TG: variants seen among roughly 807,000 people sequenced by gnomAD.
TG encodes thyroid hormones.
Under a neutral mutation model 324.7 loss-of-function variants are expected in TG, and 270 were observed. That is an observed-to-expected ratio of 0.83 (90% CI 0.75 to 0.92). The LOEUF is 0.92. TG is among the 40% of genes least tolerant of loss of function. TG has a pLI of 0.00. For missense variants in TG, 3,591 were observed against 3,456.4 expected (o/e 1.04, Z -0.98); for synonymous variants, 1,401 against 1,327.0 (o/e 1.06, Z -1.21).
rs778179419 is a variant in TG, at chr8:132,887,282, G to T, written c.1910G>T (p.Trp637Leu). ...EDVQCFSGECWCVNSWGKELP... is the reference protein window; with the variant it reads ...EDVQCFSGECLCVNSWGKELP... ...GTCCAATGCTTTTCCGGAGAGTGCT[G>T]GTGTGTGAATTCCTGGGGCAAAGAG... is the stretch of plus-strand genomic sequence containing the variant. The change falls in exon 9 of 48, where the codon TGG (tryptophan) becomes TTG (leucine). Residue 637 changes from tryptophan to leucine, a missense_variant. Physicochemically the swap from Trp to Leu is moderately conservative, Grantham distance 61 (BLOSUM62 -2). Transcript: ENST00000220616. 4.5e-5 allele frequency: 72 copies of T among 1,603,708 alleles called. No homozygotes were observed. Among genetic ancestry groups the T allele is most frequent in the Non-Finnish European group, 6.1e-5 (72 of 1,173,566 alleles).
At chr8:133,045,906 G>A (rs974157100) in intron 41 of TG, among the ~76,000 whole-genome samples, 1 of 152,158 alleles carries the variant, frequency 6.6e-6, no homozygotes, top group African/African-American at 2.4e-5. Flanking sequence ...ATTTGAGGGG[G>A]TCCTTGCAGT....
At chr8:133,038,826 G>A in intron 41 of TG, 1 of 794,420 alleles carries the variant, frequency 1.3e-6, no homozygotes, top group East Asian at 2.7e-5. Context: ...AATGAGAACA[G>A]GAGGAAAAGA....
intron 27 of TG, among the ~76,000 whole-genome samples, chr8:132,955,543 A>G (rs541698756): frequency 2.6e-5 from 4 of 152,324 alleles, no homozygotes; most frequent in Middle Eastern, 3.4e-3. Flanking sequence ...TAGGAGTGAC[A>G]CTGTGATACA....
At position 133,017,994 on chromosome 8, in the gene TG, CAAGGTA is replaced by C; in HGVS notation, c.6780_6782+3del. 24 of 1,614,066 alleles carry C rather than the reference CAAGGTA, an allele frequency of 1.5e-5. No homozygotes were observed. The highest frequency in any genetic ancestry group is 1.9e-5 in the Non-Finnish European group (23 of 1,180,004). ...ACAGGCTCCTGGGATGCCAGCAAGC[CAAGGTA>C]TGGGTTGAGTGGAGCACATCTTGGT... On this transcript the variant is annotated splice_donor_variant and splice_donor_region_variant and coding_sequence_variant and intron_variant, in exon 38 of 48. Coordinates refer to ENST00000220616, the MANE Select transcript of TG (RefSeq NM_003235.5). LOFTEE classifies it high-confidence loss of function.
chr8:132,908,106 T>C, intron 17 of TG, 80 bp from the exon 18 acceptor site: 1 of 1,557,744 alleles, frequency 6.4e-7, no homozygotes, highest in Non-Finnish European at 8.8e-7. Context: ...GGAAGGGTTA[T>C]TTTTGCAGAG....
rs949172517 is a variant in TG, at chr8:133,044,518, T to C, written c.7239+14495T>C. Reference sequence around the variant, plus strand: ...GATCGGAATGCTGGGAAAGAAACCCTTGGCATGCTCTGAGCACAGCGAAGA... The same window carrying C: ...GATCGGAATGCTGGGAAAGAAACCCCTGGCATGCTCTGAGCACAGCGAAGA... On this transcript the variant is annotated intron_variant, in intron 41 of 47. Transcript: ENST00000220616. 6.6e-4 allele frequency among the ~76,000 whole-genome samples: 101 copies of C among 152,162 alleles called. 1 individual carries two copies. Among genetic ancestry groups the C allele is most frequent in the Non-Finnish European group, 3.7e-4 (25 of 68,036 alleles).
intron 15 of TG, 33 bp from the exon 16 acceptor site, chr8:132,901,319 AT>A: frequency 6.2e-7 from 1 of 1,612,692 alleles, no homozygotes; most frequent in South Asian, 1.1e-5. Flanking sequence ...GTGGGCACTG[AT>A]TCCCCAGCCC....
chr8:133,066,947 T>A (rs1195872749), intron 41 of TG, among the ~76,000 whole-genome samples: 1 of 152,120 alleles, frequency 6.6e-6, no homozygotes, highest in African/African-American at 2.4e-5. Flanking sequence ...AGTCCTCAAA[T>A]CTGATGGGGA....
At chr8:133,085,734 A>G (rs1305334840) in intron 41 of TG, among the ~76,000 whole-genome samples, 1 of 152,262 alleles carries the variant, frequency 6.6e-6, no homozygotes, top group African/African-American at 2.4e-5. Flanking sequence ...ATTACTGAAG[A>G]TATGAAGAAG....
chr8:132,989,393 C>T (rs992086663), intron 35 of TG, among the ~76,000 whole-genome samples: 2 of 152,240 alleles, frequency 1.3e-5, no homozygotes, highest in Non-Finnish European at 1.5e-5. Context: ...TTGGAAAATG[C>T]TCCCGCCATT....
intron 28 of TG, among the ~76,000 whole-genome samples, chr8:132,962,137 G>C (rs193272223): frequency 2.1e-3 from 325 of 152,216 alleles, no homozygotes; most frequent in African/African-American, 7.7e-3. Flanking sequence ...AGGCAGAAGA[G>C]GAGGAGGAGG....
intron 22 of TG, among the ~76,000 whole-genome samples, chr8:132,923,918 C>T (rs1447717036): frequency 1.3e-5 from 2 of 152,126 alleles, no homozygotes; most frequent in South Asian, 2.1e-4. Flanking sequence ...TTTTTGGCAT[C>T]AAGGATCAGT....
chr8:133,001,004 G>T (rs1242974029), intron 35 of TG, among the ~76,000 whole-genome samples: 1 of 152,046 alleles, frequency 6.6e-6, no homozygotes, highest in Non-Finnish European at 1.5e-5. Context: ...TCTCCCCTTG[G>T]CTTGTAGATG....
In TG at chr8:132,873,172, G is replaced by T; in HGVS notation, c.589G>T (p.Val197Phe). 6.2e-7 allele frequency: 1 copy of T among 1,614,124 alleles called. No homozygotes were observed. The highest frequency in any genetic ancestry group is 2.2e-5 in the East Asian group (1 of 44,882). ...GTTTATGCCTGTCCAGTGCAAATTTGTCAACACCACAGACATGATGATTTT... is the reference window on the plus strand; with the variant it reads ...GTTTATGCCTGTCCAGTGCAAATTTTTCAACACCACAGACATGATGATTTT... The part of the protein sequence containing the change: ...GEFMPVQCKF[V>F]NTTDMMIFDL... The change falls in exon 5 of 48, where the codon GTC (valine) becomes TTC (phenylalanine). Residue 197 changes from valine to phenylalanine, a missense_variant. Val to Phe is a conservative substitution (Grantham distance 50, BLOSUM62 -1). Coordinates refer to ENST00000220616, the MANE Select transcript of TG (RefSeq NM_003235.5).
intron 41 of TG, among the ~76,000 whole-genome samples, chr8:133,089,333 A>T (rs1847130799): frequency 6.6e-6 from 1 of 152,182 alleles, no homozygotes; most frequent in Admixed American, 6.5e-5. Context: ...AGAAGCTCAC[A>T]TTCAGGAGGT....
chr8:132,942,655 C>T (rs1387596566), intron 26 of TG, among the ~76,000 whole-genome samples: 1 of 152,180 alleles, frequency 6.6e-6, no homozygotes, highest in African/African-American at 2.4e-5. Context: ...TTATTCATCG[C>T]TGCTGGCGTT....
At chr8:132,926,842 G>A (rs969609915) in intron 22 of TG, among the ~76,000 whole-genome samples, 1 of 152,166 alleles carries the variant, frequency 6.6e-6, no homozygotes, top group Non-Finnish European at 1.5e-5. Context: ...ATCAGGACTC[G>A]AGCTGAGGGC....
intron 41 of TG, among the ~76,000 whole-genome samples, chr8:133,030,857 G>T (rs1836573234): frequency 6.6e-6 from 1 of 152,248 alleles, no homozygotes; most frequent in Admixed American, 6.5e-5. Flanking sequence ...AACAGGGAAA[G>T]CTTGGAGGAC....
rs115427364 is a variant in TG, at chr8:132,982,024, G to C, written c.6200-1326G>C. Reference sequence around the variant, plus strand: ...TTTTCATGGAGACACACAGGGACAAGAGACATGGCAAGAGTATATTATTGT... The same window carrying C: ...TTTTCATGGAGACACACAGGGACAACAGACATGGCAAGAGTATATTATTGT... On this transcript the variant is annotated intron_variant, in intron 34 of 47. Transcript: ENST00000220616. 6.1e-3 allele frequency among the ~76,000 whole-genome samples: 935 copies of C among 152,274 alleles called. 9 individuals are homozygous for C. Among genetic ancestry groups the C allele is most frequent in the African/African-American group, 0.022 (896 of 41,536 alleles).
Sources: allele counts gnomAD v4.1 joint callset (sites outside exome capture counted in the v4.1 genomes callset), GRCh38; gene constraint gnomAD v4.1.1; transcripts MANE v1.5; gene names NCBI Gene and HGNC (gene_info 2026-07-23, HGNC 2026-07-21).